ATG7: variants seen among roughly 807,000 people sequenced by gnomAD.
ATG7 encodes the protein ubiquitin-like modifier-activating enzyme ATG7.
A neutral mutation model predicts 82.4 loss-of-function variants in ATG7; 70 were observed. The observed-to-expected ratio is 0.85, with a 90% CI of 0.70 to 1.04. ATG7 has a LOEUF of 1.04. ATG7 is among the 50% of genes least tolerant of loss of function. ATG7 has a pLI of 0.00. For missense variants in ATG7, 792 were observed against 864.3 expected (o/e 0.92, Z 1.05); for synonymous variants, 287 against 313.0 (o/e 0.92, Z 0.88).
At chr3:11,363,071 A>C (rs1012520931) in intron 17 of ATG7, 143 bp downstream of exon 17, 1 of 716,958 alleles carries the variant, frequency 1.4e-6, no homozygotes, top group African/African-American at 1.8e-5. Context: ...TAGAAAAAGC[A>C]GGTCTGGTTC....
intron 20 of ATG7, among the ~76,000 whole-genome samples, chr3:11,475,908 C>CACACACACACACACACACACACACA (rs59230356): frequency 2.1e-5 from 3 of 145,650 alleles, no homozygotes; most frequent in Admixed American, 6.8e-5. Context: ...CACACACACA[C>CACACACACACACACACACACACACA]CCCCTCCCAG....
intron 18 of ATG7, among the ~76,000 whole-genome samples, chr3:11,374,644 G>C (rs1164545773): frequency 6.6e-6 from 1 of 152,130 alleles, no homozygotes; most frequent in Non-Finnish European, 1.5e-5. Flanking sequence ...GGTGGCTCAC[G>C]CCTGTAATCC....
At chr3:11,282,491 C>A (rs1041315745) in intron 3 of ATG7, 53 bp downstream of exon 3, 2 of 152,188 alleles carry the variant, frequency 1.3e-5, no homozygotes, top group South Asian at 4.1e-4. Context: ...CCAGTGTGAT[C>A]AGCTGTTACC....
At chr3:11,528,834 A>G (rs1423433768) in intron 20 of ATG7, among the ~76,000 whole-genome samples, 1 of 151,860 alleles carries the variant, frequency 6.6e-6, no homozygotes, top group Non-Finnish European at 1.5e-5. Flanking sequence ...TCAAAAAAAA[A>G]AAAAAAAAAA....
downstream of ATG7, chr3:11,559,230 A>T: frequency 7.0e-7 from 1 of 1,435,804 alleles, no homozygotes; most frequent in Non-Finnish European, 9.1e-7. Context: ...CCTCAGCAAT[A>T]GATGGGCTCA....
the ATG7 span, among the ~76,000 whole-genome samples, chr3:11,566,317 C>T: frequency 6.6e-6 from 1 of 152,206 alleles, no homozygotes; most frequent in African/African-American, 2.4e-5. Context: ...CCATCCCATG[C>T]ACCCTTTACC....
intron 20 of ATG7, among the ~76,000 whole-genome samples, chr3:11,447,261 C>G (rs945966958): frequency 6.6e-6 from 1 of 152,054 alleles, no homozygotes; most frequent in Admixed American, 6.6e-5. Context: ...GTCAGGAATT[C>G]GAGACCAGCC....
At chr3:11,564,086 T>A in the ATG7 span, among the ~76,000 whole-genome samples, 6 of 152,206 alleles carry the variant, frequency 3.9e-5, no homozygotes, top group African/African-American at 1.4e-4. Context: ...AAGGACCTAT[T>A]AGGTCGCAGT....
chr3:11,504,170 T>C (rs2091547896), intron 20 of ATG7, among the ~76,000 whole-genome samples: 1 of 152,056 alleles, frequency 6.6e-6, no homozygotes, highest in Non-Finnish European at 1.5e-5. Flanking sequence ...AAAGTTGATA[T>C]ACAAAGAATA....
chr3:11,536,650 G>A (rs78891930), intron 20 of ATG7, among the ~76,000 whole-genome samples: 2,125 of 152,302 alleles, frequency 0.014, 44 homozygotes, highest in African/African-American at 0.048. Flanking sequence ...TCCCGAGAGC[G>A]GACCCTCTTG....
chr3:11,335,944 G>T (rs1034422214), intron 11 of ATG7, among the ~76,000 whole-genome samples: 1 of 150,946 alleles, frequency 6.6e-6, no homozygotes, highest in African/African-American at 2.4e-5. Context: ...TGATCCACCC[G>T]CCTCGGCCTC....
chr3:11,297,353 G>A (rs1457164323), intron 3 of ATG7, among the ~76,000 whole-genome samples: 1 of 152,156 alleles, frequency 6.6e-6, no homozygotes, highest in Non-Finnish European at 1.5e-5. Context: ...GCGTGACCCT[G>A]TAAATGTATC....
the ATG7 span, chr3:11,565,049 C>T: frequency 8.2e-6 from 12 of 1,461,666 alleles, no homozygotes; most frequent in African/African-American, 1.5e-5. The surrounding 1 kb of genome is among the most constrained non-coding windows in gnomAD (Gnocchi z 4.1). Flanking sequence ...ATTCAGGGGG[C>T]GTTTTCTCAA....
rs537708133 is a variant in ATG7 at position 11,438,819 on chromosome 3, C to G, written c.2079+11893C>G. ...AGATCAGGAAGTGGAGAATCTCTGGCCTGTGGCGCTGCTGAGCCTAACTTC... is the reference window on the plus strand; with the variant it reads ...AGATCAGGAAGTGGAGAATCTCTGGGCTGTGGCGCTGCTGAGCCTAACTTC... On this transcript the variant is annotated intron_variant, in intron 20 of 20. Transcript: ENST00000693202. Among the ~76,000 whole-genome samples, 3 of 152,198 alleles carry G rather than the reference C, an allele frequency of 2.0e-5. No homozygotes were observed. The South Asian group carries it at 6.2e-4, about 32-fold the overall frequency.
intron 14 of ATG7, among the ~76,000 whole-genome samples, chr3:11,357,546 A>G (rs1326977998): frequency 6.6e-6 from 1 of 152,170 alleles, no homozygotes; most frequent in Non-Finnish European, 1.5e-5. Flanking sequence ...GTTTTTTAAA[A>G]TGCATATACC....
chr3:11,333,175 C>A, intron 11 of ATG7, 82 bp downstream of exon 11: 6 of 1,423,074 alleles, frequency 4.2e-6, no homozygotes, highest in South Asian at 3.3e-5. Context: ...CATATCGTCA[C>A]AATGGCAGAA....
chr3:11,449,435 C>T lies in ATG7; in HGVS notation c.2079+22509C>T, dbSNP rs147167478. 3.2e-3 allele frequency among the ~76,000 whole-genome samples: 490 copies of T among 152,282 alleles called. 2 individuals carry two copies. The highest frequency in any genetic ancestry group is 0.011 in the African/African-American group (441 of 41,556). ...GTAAGGCCCCAGAGTCTTCACTACC[C>T]TTGGTGGCTGTACTTTTAAGGGAAT... On this transcript the variant is annotated intron_variant, in intron 20 of 20. Transcript: ENST00000693202.
chr3:11,276,808 C>G (rs1319263137), intron 1 of ATG7, among the ~76,000 whole-genome samples: 1 of 152,146 alleles, frequency 6.6e-6, no homozygotes, highest in East Asian at 1.9e-4. Flanking sequence ...CTACTATATT[C>G]TTTTCAACCG....
chr3:11,340,498 A>T, intron 11 of ATG7, 147 bp from the exon 12 acceptor site: 1 of 613,854 alleles, frequency 1.6e-6, no homozygotes, highest in Non-Finnish European at 2.7e-6. Context: ...TCAGGCCCTC[A>T]AGTCTCTTTT....
Sources: gnomAD v4.1 joint callset for allele counts (sites outside exome capture counted in the v4.1 genomes callset) on GRCh38, gnomAD v4.1.1 for gene constraint, Gnocchi (gnomAD v3.1) non-coding constraint, MANE v1.5 for transcripts, NCBI Gene and HGNC (gene_info 2026-07-23, HGNC 2026-07-21) for gene names.